The following ABCA3 variants were observed in gnomAD, a reference collection of about 807,000 sequenced individuals.
ABCA3 encodes the protein phospholipid-transporting ATPase ABCA3.
ABCA3 carries 88 observed loss-of-function variants against 172.8 expected under a neutral mutation model. The ratio of observed to expected loss-of-function variants is 0.51; its 90% CI spans 0.43 to 0.61. The LOEUF (loss-of-function observed/expected upper bound fraction) is 0.61. Ranked by LOEUF, ABCA3 falls within the 20% of genes least tolerant of loss-of-function variation. The pLI is 0.00. For missense variants in ABCA3, 2,164 were observed against 2,301.0 expected (o/e 0.94, Z 1.22); for synonymous variants, 1,066 against 983.8 (o/e 1.08, Z -1.56).
intron 7 of ABCA3, among the ~76,000 whole-genome samples, chr16:2,322,832 C>T (rs1287555024): frequency 1.3e-5 from 2 of 151,934 alleles, no homozygotes; most frequent in Non-Finnish European, 2.9e-5. Flanking sequence ...AGAGCTTCTG[C>T]ACAACAAAGG....
At chr16:2,288,433 GC>G (rs2093666614) in intron 20 of ABCA3, 104 bp from the exon 21 acceptor site, 2 of 1,343,422 alleles carry the variant, frequency 1.5e-6, no homozygotes, top group South Asian at 2.8e-5. Context: ...CAGCCTGGGG[GC>G]CTGCAGCTGA....
At chr16:2,311,347 G>C (rs1042496117) in intron 10 of ABCA3, among the ~76,000 whole-genome samples, 1 of 152,178 alleles carries the variant, frequency 6.6e-6, no homozygotes, top group Admixed American at 6.5e-5. Context: ...AGTTGGAAAA[G>C]TAAAGGGTAT....
chr16:2,337,386 T>C (rs2093753530), intron 1 of ABCA3, among the ~76,000 whole-genome samples: 1 of 151,724 alleles, frequency 6.6e-6, no homozygotes, highest in South Asian at 2.1e-4. Context: ...TTTTTTTTTT[T>C]TTCATGCAGG....
Position 2,340,560 on chromosome 16 carries a change from C to T in ABCA3, c.-539+13G>A, listed in dbSNP as rs1596876771. 1.3e-5 allele frequency: 2 copies of T among 148,932 alleles called. No homozygotes were observed. Among genetic ancestry groups the T allele is most frequent in the East Asian group, 3.9e-4 (2 of 5,136 alleles). 9.2% of individuals were successfully genotyped at this position (148,932 alleles called of 1,614,324 possible). A position where few individuals can be genotyped will look rare whatever the true frequency, so the allele number is the denominator to read the frequency against. ...GAACGAGCGCGCGAGCGGCGGGTCC[C>T]GGCGGCACTCACCGAGCCTGGGCGC... is the stretch of plus-strand genomic sequence containing the variant. On this transcript the variant is annotated intron_variant, in intron 1 of 32. Coordinates refer to ENST00000301732, the MANE Select transcript of ABCA3 (RefSeq NM_001089.3).
At chr16:2,330,062 G>A (rs983963386) in intron 1 of ABCA3, among the ~76,000 whole-genome samples, 2 of 152,090 alleles carry the variant, frequency 1.3e-5, no homozygotes, top group East Asian at 2.0e-4. Flanking sequence ...TTGGAAGACT[G>A]AGCTGGGCGG....
At position 2,283,639 on chromosome 16, in the gene ABCA3, G is replaced by C; in HGVS notation, c.3863-281C>G. 22 of 460,862 alleles carry C rather than the reference G, an allele frequency of 4.8e-5. 1 individual carries two copies. Among genetic ancestry groups the C allele is most frequent in the South Asian group, 4.7e-4 (22 of 46,408 alleles). The allele number at this position is 460,862 out of a possible 1,614,324, so 28.5% of individuals were successfully genotyped here. On this transcript the variant is annotated intron_variant, in intron 25 of 32. Coordinates refer to ENST00000301732, the MANE Select transcript of ABCA3 (RefSeq NM_001089.3). This position sits in a 1 kb window ranked among gnomAD's most constrained non-coding sequence, Gnocchi z 5.4. ...GGCACAGGCTCTGCGTGAATCCTGG[G>C]CTGCCTCCTGACCAGGACAGAGACC...
intron 10 of ABCA3, among the ~76,000 whole-genome samples, chr16:2,312,933 C>A (rs2093708848): frequency 1.3e-5 from 2 of 151,770 alleles, no homozygotes; most frequent in Non-Finnish European, 2.9e-5. Flanking sequence ...ACCTGTGGCC[C>A]CAGCTGCTTG....
At chr16:2,313,242 A>C (rs2093709380) in intron 10 of ABCA3, among the ~76,000 whole-genome samples, 1 of 152,034 alleles carries the variant, frequency 6.6e-6, no homozygotes, top group African/African-American at 2.4e-5. Context: ...AAAGGCAAGC[A>C]GCATCTGGGT....
chr16:2,339,417 G>T (rs184595196), intron 1 of ABCA3: 1 of 152,334 alleles, frequency 6.6e-6, no homozygotes, highest in Non-Finnish European at 1.5e-5. Flanking sequence ...AATTATCTAA[G>T]AAGTTAAAAA....
chr16:2,301,124 G>A (rs531549739), intron 12 of ABCA3, among the ~76,000 whole-genome samples: 3 of 151,324 alleles, frequency 2.0e-5, no homozygotes, highest in South Asian at 2.1e-4. Context: ...CCAGCTACTC[G>A]GGAGGCTGAG....
At chr16:2,326,609 C>T in intron 3 of ABCA3, 117 bp from the exon 4 acceptor site, 1 of 1,143,896 alleles carries the variant, frequency 8.7e-7, no homozygotes, top group Non-Finnish European at 1.3e-6. Context: ...TTTTGTGCCA[C>T]TTTAACTCCA....
chr16:2,298,968 CCT>C (rs975301821), intron 14 of ABCA3, among the ~76,000 whole-genome samples: 11 of 152,100 alleles, frequency 7.2e-5, no homozygotes, highest in Non-Finnish European at 1.0e-4. Flanking sequence ...TGCGTGGTGG[CCT>C]CTGTTTTCAC....
chr16:2,285,458 G>A lies in ABCA3; in HGVS notation c.3467C>T (p.Pro1156Leu). 6.2e-7 allele frequency: 1 copy of A among 1,610,930 alleles called. No homozygotes were observed. Among genetic ancestry groups the A allele is most frequent in the Non-Finnish European group, 8.5e-7 (1 of 1,178,730 alleles). The change falls in exon 23 of 33, where the codon CCC becomes CTC. Residue 1156 changes from proline (P) to leucine (L), a missense_variant. This residue lies in a region of ABCA3 where 795 missense variants were observed against 881.9 expected (regional missense o/e 0.90). Coordinates refer to ENST00000301732, the MANE Select transcript of ABCA3 (RefSeq NM_001089.3). The surrounding 1 kb of genome is among the most constrained non-coding windows in gnomAD (Gnocchi z 4.7). Reference protein sequence around the residue: ...LLWDLISFLIPSLLLLVVFKA... With the variant: ...LLWDLISFLILSLLLLVVFKA... ...GGCGCTCACCAGCAGCAGCAGACTGGGGATGAGGAAGGAGATGAGGTCCCA... is the reference window on the plus strand; with the variant it reads ...GGCGCTCACCAGCAGCAGCAGACTGAGGATGAGGAAGGAGATGAGGTCCCA...
intron 1 of ABCA3, among the ~76,000 whole-genome samples, chr16:2,334,574 C>T (rs1283195128): frequency 6.6e-6 from 1 of 150,468 alleles, no homozygotes; most frequent in African/African-American, 2.5e-5. Flanking sequence ...GAGTGCAGCC[C>T]GATCTTGGCT....
At chr16:2,290,500 C>A (rs1296541891) in intron 19 of ABCA3, among the ~76,000 whole-genome samples, 1 of 152,184 alleles carries the variant, frequency 6.6e-6, no homozygotes, top group Non-Finnish European at 1.5e-5. Context: ...GGCCTGAGAC[C>A]TTGAGAGACA....
In ABCA3 at chr16:2,305,109, G is replaced by A. The variant is rs180943619; in HGVS notation, c.1286-959C>T. 6.6e-4 allele frequency among the ~76,000 whole-genome samples: 100 copies of A among 151,190 alleles called. 2 individuals carry two copies. The East Asian group carries it at 0.015, about 23-fold the overall frequency. On this transcript the variant is annotated intron_variant, in intron 11 of 32. Coordinates refer to ENST00000301732, the MANE Select transcript of ABCA3 (RefSeq NM_001089.3). Reference sequence around the variant, plus strand: ...ATTACAGGTGTGAGCCACTGCACCCGGCCAGTATAAGTCTTTATTTGTTTA... The same window carrying A: ...ATTACAGGTGTGAGCCACTGCACCCAGCCAGTATAAGTCTTTATTTGTTTA...
chr16:2,315,036 C>A lies in ABCA3; in HGVS notation c.1111+2247G>T, dbSNP rs2093712770. On this transcript the variant is annotated intron_variant, in intron 10 of 32. Coordinates refer to ENST00000301732, the MANE Select transcript of ABCA3 (RefSeq NM_001089.3). ...GGGACTACAGGTACCCGCCACCACA[C>A]CCGGCTAATTTTTGTATTTTTTTTT... is the stretch of plus-strand genomic sequence containing the variant. Among the ~76,000 whole-genome samples the A allele has an allele frequency of 2.0e-5, 3 of 150,032 alleles. No individual in the cohort carries two copies. The South Asian group carries it at 6.4e-4, about 32-fold the overall frequency.
rs73500154 is a variant in ABCA3, at chr16:2,278,145, G to C, written c.4719-76C>G. 3,575 of 1,601,412 alleles carry C rather than the reference G, an allele frequency of 2.2e-3. 70 individuals carry two copies. The African/African-American group carries it at 0.039, about 17-fold the overall frequency. ...GCAGACAGGAAGGCATTGGCTCTCC[G>C]ATCAGGCTGTTCCTGATACCCATGC... On this transcript the variant is annotated intron_variant, in intron 30 of 32. Transcript: ENST00000301732. This position sits in a 1 kb window ranked among gnomAD's most constrained non-coding sequence, Gnocchi z 4.4.
chr16:2,300,074 G>A lies in ABCA3; in HGVS notation c.1542C>T (p.Leu514=), dbSNP rs965599842. 2 of 1,613,650 alleles carry A rather than the reference G, an allele frequency of 1.2e-6. No individual in the cohort carries two copies. Among genetic ancestry groups the A allele is most frequent in the Admixed American group, 3.3e-5 (2 of 59,950 alleles). The change falls in exon 13 of 33, where the codon CTC becomes CTT. Residue 514 remains leucine (L), a synonymous_variant. Coordinates refer to ENST00000301732, the MANE Select transcript of ABCA3 (RefSeq NM_001089.3). ...GCTCGGCTTCAAAGTACTCGTTTCTGAGTGCTTTCTCGGGGTCACTGTCTT... is the reference window on the plus strand; with the variant it reads ...GCTCGGCTTCAAAGTACTCGTTTCTAAGTGCTTTCTCGGGGTCACTGTCTT... ...EEEDSDPEKA[L]RNEYFEAEPE...
Sources: allele counts gnomAD v4.1 joint callset (sites outside exome capture counted in the v4.1 genomes callset), GRCh38; gene constraint gnomAD v4.1.1; regional missense constraint gnomAD v4.1.1; non-coding constraint Gnocchi (gnomAD v3.1); transcripts MANE v1.5; gene names NCBI Gene and HGNC (gene_info 2026-07-23, HGNC 2026-07-21).